Variants in CTDSP2 observed in about 807,000 individuals in gnomAD.
CTDSP2 encodes CTD small phosphatase 2, also known as carboxy-terminal domain RNA polymerase II polypeptide A small phosphatase 2.
CTDSP2 carries 9 observed loss-of-function variants against 31.6 expected under a neutral mutation model. The observed-to-expected ratio is 0.28, with a 90% CI of 0.17 to 0.50. CTDSP2 has a LOEUF of 0.50. CTDSP2 is among the 20% of genes least tolerant of loss of function. The pLI, the probability that CTDSP2 is intolerant of heterozygous loss-of-function variation, is 0.98. For synonymous variants in CTDSP2, 134 were observed against 134.5 expected (o/e 1.00, Z 0.03); for missense variants, 267 against 348.5 (o/e 0.77, Z 1.86).
At chr12:57,833,600 C>CAT (rs1956229756) in intron 1 of CTDSP2, among the ~76,000 whole-genome samples, 1 of 152,256 alleles carries the variant, frequency 6.6e-6, no homozygotes, top group Non-Finnish European at 1.5e-5. Flanking sequence ...TGGCCCCAAC[C>CAT]CAGTGCATTC....
At chr12:57,844,523 T>C (rs1456179770) in intron 1 of CTDSP2, among the ~76,000 whole-genome samples, 1 of 151,986 alleles carries the variant, frequency 6.6e-6, no homozygotes, top group Non-Finnish European at 1.5e-5. Context: ...ACAGGGCTCC[T>C]CCCCCTACTC....
At position 57,838,182 on chromosome 12, in the gene CTDSP2, T is replaced by C. The variant is rs374055584; in HGVS notation, c.64+8190A>G. The stretch of plus-strand genomic sequence containing the variant: ...CAGAGACAGAGGAGGCGTTTCCTCA[T>C]AGACAAGTCAGCTGCAGGCTCAGCC... On this transcript the variant is annotated intron_variant, in intron 1 of 7. Coordinates refer to ENST00000398073, the MANE Select transcript of CTDSP2 (RefSeq NM_005730.4). Among the ~76,000 whole-genome samples, 179 of 152,226 alleles carry C rather than the reference T, an allele frequency of 1.2e-3. 5 individuals carry two copies. In the South Asian group the frequency reaches 0.035, roughly 30 times the overall value.
chr12:57,844,504 T>A (rs1029620760), intron 1 of CTDSP2, among the ~76,000 whole-genome samples: 6 of 152,164 alleles, frequency 3.9e-5, no homozygotes, highest in African/African-American at 1.2e-4. Flanking sequence ...GAAGACCTAG[T>A]GGGGAAGCAC....
chr12:57,833,711 A>G (rs990606363), intron 1 of CTDSP2, among the ~76,000 whole-genome samples: 4 of 152,238 alleles, frequency 2.6e-5, no homozygotes, highest in African/African-American at 9.6e-5. Flanking sequence ...CTACAGAGCT[A>G]GGACCTGGGG....
intron 1 of CTDSP2, among the ~76,000 whole-genome samples, chr12:57,831,383 G>C (rs111526238): frequency 6.6e-6 from 1 of 152,080 alleles, no homozygotes; most frequent in African/African-American, 2.4e-5. Context: ...AACCCAGGAG[G>C]TGGAAGTCGC....
At chr12:57,824,583 ATC>A (rs761191281) in intron 5 of CTDSP2, 28 of 647,378 alleles carry the variant, frequency 4.3e-5, no homozygotes, top group South Asian at 3.6e-4. Flanking sequence ...CCCAGGAGCC[ATC>A]TCTGTTTCCG....
chr12:57,820,616 T>C lies in CTDSP2; in HGVS notation c.*2986A>G, dbSNP rs1956138970. ...GCCACTGTTACCAGAGGTGAGTTTA[T>C]ACATTTACAAAATGCTTAAAATCTT... On this transcript the variant is annotated 3_prime_UTR_variant, in exon 8 of 8. Coordinates refer to ENST00000398073, the MANE Select transcript of CTDSP2 (RefSeq NM_005730.4). 6.6e-6 allele frequency: 1 copy of C among 152,652 alleles called. No homozygotes were observed. The highest frequency in any genetic ancestry group is 2.4e-5 in the African/African-American group (1 of 41,450). 9.5% of individuals were successfully genotyped at this position (152,652 alleles called of 1,614,324 possible).
intron 1 of CTDSP2, among the ~76,000 whole-genome samples, chr12:57,834,872 C>T (rs924220668): frequency 3.3e-5 from 5 of 152,158 alleles, no homozygotes; most frequent in Non-Finnish European, 5.9e-5. Context: ...CCTGTAATCC[C>T]AGCACTTTGG....
At chr12:57,841,827 A>G (rs1019719725) in intron 1 of CTDSP2, among the ~76,000 whole-genome samples, 11 of 152,252 alleles carry the variant, frequency 7.2e-5, no homozygotes, top group Admixed American at 5.9e-4. Context: ...GAGGACATTA[A>G]TATTTATCAA....
intron 1 of CTDSP2, among the ~76,000 whole-genome samples, chr12:57,830,757 TA>T (rs1364284710): frequency 6.6e-6 from 1 of 152,164 alleles, no homozygotes; most frequent in African/African-American, 2.4e-5. Context: ...TTGATTTATT[TA>T]TTTTTTTGAG....
In CTDSP2 at chr12:57,839,723, CA is replaced by C. The variant is rs369168386; in HGVS notation, c.64+6648del. Among the ~76,000 whole-genome samples the C allele has an allele frequency of 6.5e-3, 959 of 147,782 alleles. 11 individuals carry two copies. The highest frequency in any genetic ancestry group is 0.023 in the African/African-American group (918 of 40,262). ...TGGGCGACAGAGCAAGACTCCATCT[CA>C]AAAAAAAAAGTGAAATGCCAGACAA... On this transcript the variant is annotated intron_variant, in intron 1 of 7. Transcript: ENST00000398073.
intron 1 of CTDSP2, among the ~76,000 whole-genome samples, chr12:57,836,741 C>G (rs553483117): frequency 6.6e-6 from 1 of 152,150 alleles, no homozygotes; most frequent in South Asian, 2.1e-4. Flanking sequence ...TTAATCTTCT[C>G]CTGAAAGTCA....
chr12:57,823,506 T>A lies in CTDSP2; in HGVS notation c.*96A>T. 6.9e-7 allele frequency: 1 copy of A among 1,440,298 alleles called. No homozygotes were observed. Among genetic ancestry groups the A allele is most frequent in the South Asian group, 1.2e-5 (1 of 81,354 alleles). 89.2% of individuals were successfully genotyped at this position (1,440,298 alleles called of 1,614,324 possible). ...TTCCCGCTGTTTCCGGGCCGTGTGG[T>A]GAGGCACTCCAGCTTCTACTCTGTC... On this transcript the variant is annotated 3_prime_UTR_variant, in exon 8 of 8. Transcript: ENST00000398073.
intron 1 of CTDSP2, among the ~76,000 whole-genome samples, chr12:57,839,301 C>A (rs1433183170): frequency 6.6e-6 from 1 of 152,196 alleles, no homozygotes; most frequent in Non-Finnish European, 1.5e-5. Flanking sequence ...CTTGCTAGGG[C>A]ACAATTCTCT....
chr12:57,842,002 T>C (rs925472717), intron 1 of CTDSP2, among the ~76,000 whole-genome samples: 1 of 152,182 alleles, frequency 6.6e-6, no homozygotes, highest in Non-Finnish European at 1.5e-5. Flanking sequence ...AACAATGCTT[T>C]GAAGTAACAA....
rs1181296205 is a variant in CTDSP2 at position 57,830,514 on chromosome 12, A to T, written c.65-918T>A. On this transcript the variant is annotated intron_variant, in intron 1 of 7. Transcript: ENST00000398073. The stretch of plus-strand genomic sequence containing the variant: ...CAGCCCCAGCCCCAAGGAAGAAACT[A>T]CACTTTTTGTTCACAGCCTTGCCTC... 2.0e-5 allele frequency among the ~76,000 whole-genome samples: 3 copies of T among 152,162 alleles called. No individual in the cohort carries two copies. The East Asian group carries it at 5.8e-4, about 29-fold the overall frequency.
At chr12:57,838,381 A>G (rs1367488926) in intron 1 of CTDSP2, among the ~76,000 whole-genome samples, 1 of 152,210 alleles carries the variant, frequency 6.6e-6, no homozygotes, top group Non-Finnish European at 1.5e-5. Context: ...CAAAGGTATC[A>G]TTGTGAGGGA....
chr12:57,835,123 CAAA>C (rs1370274148), intron 1 of CTDSP2, among the ~76,000 whole-genome samples: 3 of 95,932 alleles, frequency 3.1e-5, no homozygotes, highest in Admixed American at 1.1e-4. Flanking sequence ...AATTCCATCT[CAAA>C]AAAAAAAAAA....
intron 1 of CTDSP2, among the ~76,000 whole-genome samples, chr12:57,840,211 C>G (rs974805644): frequency 1.3e-5 from 2 of 152,246 alleles, no homozygotes; most frequent in African/African-American, 4.8e-5. Flanking sequence ...GCTGATTCAG[C>G]AGATCCCAGG....
Sources: gnomAD v4.1 joint callset for allele counts (sites outside exome capture counted in the v4.1 genomes callset) on GRCh38, gnomAD v4.1.1 for gene constraint, MANE v1.5 for transcripts, NCBI Gene and HGNC (gene_info 2026-07-23, HGNC 2026-07-21) for gene names.